Variants in ZNF320 observed in about 807,000 individuals in gnomAD.
ZNF320 encodes zinc finger gene 320.
A neutral mutation model predicts 6.8 loss-of-function variants in ZNF320; 2 were observed. The observed-to-expected ratio is 0.29, with a 90% CI of 0.12 to 0.93. The LOEUF is 0.93. ZNF320 is among the 40% of genes least tolerant of loss of function. The pLI, the probability that ZNF320 is intolerant of heterozygous loss-of-function variation, is 0.55. For missense variants in ZNF320, 472 were observed against 611.0 expected (o/e 0.77, Z 2.40); for synonymous variants, 208 against 203.2 (o/e 1.02, Z -0.20).
intron 4 of ZNF320, among the ~76,000 whole-genome samples, chr19:52,889,397 A>G (rs1331953697): frequency 6.6e-6 from 1 of 152,006 alleles, no homozygotes; most frequent in Non-Finnish European, 1.5e-5. Flanking sequence ...GGGTGCAGTA[A>G]GCCAAGATCA....
chr19:52,881,336 G>C lies in ZNF320; in HGVS notation c.790C>G (p.His264Asp). 1 of 1,613,696 alleles carries C rather than the reference G, an allele frequency of 6.2e-7. No individual in the cohort carries two copies. Among genetic ancestry groups the C allele is most frequent in the Non-Finnish European group, 8.5e-7 (1 of 1,179,938 alleles). ...GGTTTCTCTCCAGTATGCAGTCTATGATGGTACACAAGGTGTGATGTCTGA... is the reference window on the plus strand; with the variant it reads ...GGTTTCTCTCCAGTATGCAGTCTATCATGGTACACAAGGTGTGATGTCTGA... ...FSQTSHLVYH[H>D]RLHTGEKPYK... The change falls in exon 6 of 6, where the codon CAT (histidine) becomes GAT (aspartate). Residue 264 changes from histidine to aspartate, a missense_variant. Around this residue, in one of 2 missense-constraint regions of ZNF320, gnomAD observed 462 missense variants for 559.7 expected, o/e 0.83. Coordinates refer to ENST00000682928, the MANE Select transcript of ZNF320 (RefSeq NM_001351774.2).
At chr19:52,897,786 T>G (rs1600667381), upstream of ZNF320, 2 of 139,290 alleles carry the variant, frequency 1.4e-5, no homozygotes, top group African/African-American at 2.8e-5. Context: ...CGCGAAGAGG[T>G]GGGCGGGGCC....
rs773167349 is a variant in ZNF320 at position 52,881,717 on chromosome 19, TAATAGGC to T, written c.402_408del (p.Pro135LysfsTer45). ...TGAAATCTTGATTCAAGCTGACCTTTAATAGGCTTGTTTCCAGCATGCCTTTGATCAT... is the reference window on the plus strand; with the variant it reads ...TGAAATCTTGATTCAAGCTGACCTTTTTGTTTCCAGCATGCCTTTGATCAT... On this transcript the variant is annotated frameshift_variant, in exon 6 of 6. Transcript: ENST00000682928. LOFTEE classifies it low-confidence loss of function (END_TRUNC). The T allele has an allele frequency of 1.2e-6, 2 of 1,614,026 alleles. No homozygotes were observed. The highest frequency in any genetic ancestry group is 1.7e-6 in the Non-Finnish European group (2 of 1,179,888).
upstream of ZNF320, among the ~76,000 whole-genome samples, chr19:52,900,079 A>G (rs190000094): frequency 4.6e-5 from 7 of 152,262 alleles, no homozygotes; most frequent in African/African-American, 1.7e-4. Context: ...ACTGGTGCCA[A>G]TTACACAGCT....
downstream of ZNF320, among the ~76,000 whole-genome samples, chr19:52,860,014 G>A (rs1294258112): frequency 6.6e-6 from 1 of 151,014 alleles, no homozygotes; most frequent in Non-Finnish European, 1.5e-5. Flanking sequence ...CCGGGTTCAC[G>A]CCATTCTCCT....
intron 5 of ZNF320, chr19:52,883,564 G>A: frequency 2.2e-6 from 1 of 453,020 alleles, no homozygotes; most frequent in Non-Finnish European, 4.4e-6. Context: ...ACTACCTTCT[G>A]AAGTATGAGG....
At chr19:52,886,429 G>C (rs1041531571) in intron 5 of ZNF320, among the ~76,000 whole-genome samples, 1 of 152,066 alleles carries the variant, frequency 6.6e-6, no homozygotes, top group East Asian at 1.9e-4. Context: ...CACTGCACCT[G>C]GCCAGGTTAT....
chr19:52,881,872 A>G lies in ZNF320; in HGVS notation c.254T>C (p.Phe85Ser). 1 of 1,613,844 alleles carries G rather than the reference A, an allele frequency of 6.2e-7. No individual in the cohort carries two copies. The highest frequency in any genetic ancestry group is 8.5e-7 in the Non-Finnish European group (1 of 1,179,820). The change falls in exon 6 of 6, where the codon TTT becomes TCT. Residue 85 changes from phenylalanine to serine, a missense_variant. Transcript: ENST00000682928. ...GTCTTTCTCAATTTCCTGGGAGCAA[A>G]ATGCTCCAATGTGATAACTTGCTTG... ...QRQASYHIGA[F>S]CSQEIEKDIH...
chr19:52,861,423 A>C (rs2063486467), exon 6 of ZNF320, among the ~76,000 whole-genome samples: 1 of 152,240 alleles, frequency 6.6e-6, no homozygotes, highest in South Asian at 2.1e-4. Context: ...CTAAATGATT[A>C]TATAACCTAA....
intron 5 of ZNF320, among the ~76,000 whole-genome samples, chr19:52,884,781 C>T (rs1013686768): frequency 6.6e-6 from 1 of 152,132 alleles, no homozygotes; most frequent in African/African-American, 2.4e-5. Context: ...AGTGAAATGA[C>T]AGAGAAAGGA....
At chr19:52,902,349 A>G (rs2064573903), upstream of ZNF320, among the ~76,000 whole-genome samples, 1 of 152,228 alleles carries the variant, frequency 6.6e-6, no homozygotes, top group African/African-American at 2.4e-5. Context: ...CCTGGAAAAG[A>G]GCTACCATGC....
chr19:52,860,952 C>A (rs1371595069), exon 6 of ZNF320, among the ~76,000 whole-genome samples: 1 of 152,168 alleles, frequency 6.6e-6, no homozygotes, highest in African/African-American at 2.4e-5. Context: ...TTGTAATGCA[C>A]TGACACCATG....
Position 52,881,014 on chromosome 19 carries a change from C to A in ZNF320, c.1112G>T (p.Arg371Leu). 6.2e-7 allele frequency: 1 copy of A among 1,612,822 alleles called. No homozygotes were observed. The highest frequency in any genetic ancestry group is 8.5e-7 in the Non-Finnish European group (1 of 1,179,682). ...ATGAACTCTCTGATGTTCTGCAAGA[C>A]GTGAATCACTCCGGAAAGCCTTGTC... ...VCDKAFRSDS[R>L]LAEHQRVHTG... Residue 371 changes from arginine to leucine, a missense_variant, in exon 6 of 6, where the codon CGT becomes CTT. By Grantham distance (102) the Arg-to-Leu change is moderately radical. Coordinates refer to ENST00000682928, the MANE Select transcript of ZNF320 (RefSeq NM_001351774.2).
downstream of ZNF320, among the ~76,000 whole-genome samples, chr19:52,874,589 T>TG (rs2147790511): frequency 6.6e-6 from 1 of 152,208 alleles, no homozygotes; most frequent in African/African-American, 2.4e-5. Flanking sequence ...CTCCACTCAG[T>TG]GGGTGCCAGC....
At chr19:52,864,197 G>A (rs1042721003) in intron 5 of ZNF320, 1 of 211,830 alleles carries the variant, frequency 4.7e-6, no homozygotes, top group Non-Finnish European at 9.9e-6. Context: ...ACATTATGGA[G>A]GCGTTATCAC....
In ZNF320 at chr19:52,881,613, A is replaced by G. The variant is rs1312376113; in HGVS notation, c.513T>C (p.Ser171=). The change falls in exon 6 of 6, where the codon AGT becomes AGC. Residue 171 remains serine (S), a synonymous_variant. Coordinates refer to ENST00000682928, the MANE Select transcript of ZNF320 (RefSeq NM_001351774.2). ...TATGTATTTCAAGATGTGATTTGCA[A>G]CTGAAAACTTTCTCACATTCTTCAC... ...YKCEECEKVF[S]CKSHLEIHRI... is the part of the protein sequence containing the mutation. The G allele has an allele frequency of 1.2e-6, 2 of 1,613,882 alleles. No homozygotes were observed. Among genetic ancestry groups the G allele is most frequent in the East Asian group, 2.2e-5 (1 of 44,878 alleles).
At chr19:52,862,013 G>A (rs909595871) in exon 6 of ZNF320, 10 of 381,162 alleles carry the variant, frequency 2.6e-5, no homozygotes, top group Non-Finnish European at 5.3e-5. Flanking sequence ...CATTTGTAAG[G>A]TTTCTCTCCA....
Position 52,880,524 on chromosome 19 carries a change from T to G in ZNF320, c.*72A>C, listed in dbSNP as rs543122941. On this transcript the variant is annotated 3_prime_UTR_variant, in exon 6 of 6. Transcript: ENST00000682928. ...CCCAATCCTCTTAACATAAACAGTTTAATGTCGATTAATGCTTGAAATCAA... is the reference window on the plus strand; with the variant it reads ...CCCAATCCTCTTAACATAAACAGTTGAATGTCGATTAATGCTTGAAATCAA... The G allele has an allele frequency of 1.4e-4, 206 of 1,442,086 alleles. No homozygotes were observed. The highest frequency in any genetic ancestry group is 1.9e-4 in the Non-Finnish European group (197 of 1,056,660). The allele number at this position is 1,442,086 out of a possible 1,614,324, so 89.3% of individuals were successfully genotyped here.
At chr19:52,860,095 G>C (rs1355041857), downstream of ZNF320, among the ~76,000 whole-genome samples, 1 of 151,982 alleles carries the variant, frequency 6.6e-6, no homozygotes, top group Admixed American at 6.6e-5. Flanking sequence ...GGAATTTTTA[G>C]TAGAGACGGG....
Sources: gnomAD v4.1 joint callset for allele counts (sites outside exome capture counted in the v4.1 genomes callset) on GRCh38, gnomAD v4.1.1 for gene constraint, gnomAD v4.1.1 regional missense constraint, MANE v1.5 for transcripts, NCBI Gene and HGNC (gene_info 2026-07-23, HGNC 2026-07-21) for gene names.